HECTD4: variants seen among roughly 807,000 people sequenced by gnomAD.
HECTD4 encodes the protein probable E3 ubiquitin-protein ligase HECTD4.
HECTD4 carries 114 observed loss-of-function variants against 471.5 expected under a neutral mutation model. That is an observed-to-expected ratio of 0.24 (90% CI 0.21 to 0.28). The LOEUF (loss-of-function observed/expected upper bound fraction) is 0.28, where lower values mean the gene tolerates loss of function less well. HECTD4 is among the 10% of genes least tolerant of loss of function. HECTD4 has a pLI of 1.00. For missense variants in HECTD4, 3,866 were observed against 5,651.5 expected (o/e 0.68, Z 10.13); for synonymous variants, 2,012 against 2,256.0 (o/e 0.89, Z 3.07).
intron 66 of HECTD4, among the ~76,000 whole-genome samples, chr12:112,175,111 T>C (rs973784083): frequency 2.0e-5 from 3 of 152,316 alleles, no homozygotes; most frequent in Middle Eastern, 6.8e-3. Flanking sequence ...ACTCTGAGGA[T>C]AAGGTTCTTT....
chr12:112,382,331 G>A lies in HECTD4; in HGVS notation c.-203C>T. The A allele has an allele frequency of 6.1e-6, 2 of 328,520 alleles. No homozygotes were observed. The highest frequency in any genetic ancestry group is 9.8e-6 in the Non-Finnish European group (2 of 205,102). The allele number at this position is 328,520 out of a possible 1,614,324, so 20.4% of individuals were successfully genotyped here. The stretch of plus-strand genomic sequence containing the variant: ...CGGCCCGGGAGACCCCGGCCCTGCC[G>A]CCGCCGCCGCCGCCGCCGCCGCCGC... On this transcript the variant is annotated 5_prime_UTR_variant, in exon 1 of 76. Coordinates refer to ENST00000682272, the MANE Select transcript of HECTD4 (RefSeq NM_001388303.1).
At chr12:112,246,477 T>C (rs369826317) in intron 29 of HECTD4, among the ~76,000 whole-genome samples, 6 of 152,012 alleles carry the variant, frequency 3.9e-5, no homozygotes, top group Admixed American at 1.3e-4. Context: ...CTACCAAAAA[T>C]ACAAAAATTA....
intron 1 of HECTD4, among the ~76,000 whole-genome samples, chr12:112,325,858 C>T (rs1306659085): frequency 3.3e-5 from 5 of 150,696 alleles, no homozygotes; most frequent in African/African-American, 1.2e-4. Flanking sequence ...AGCAGCCTTG[C>T]TCTGTCACCC....
In HECTD4 at chr12:112,283,138, G is replaced by C. The variant is rs1319086863; in HGVS notation, c.1500C>G (p.Ile500Met). ...ATLAALTGST[I>M]SNTLKEDQAA... is the part of the protein sequence containing the mutation. ...CTTGATCCTCTTTCAGTGTGTTGGA[G>C]ATGGTGGAACCAGTCAGGGCAGCAA... The change falls in exon 8 of 76, where the codon ATC becomes ATG. Residue 500 changes from isoleucine to methionine, a missense_variant. By Grantham distance (10) the Ile-to-Met change is conservative. This residue lies in a region of HECTD4 where 440 missense variants were observed against 636.0 expected (regional missense o/e 0.69). Coordinates refer to ENST00000682272, the MANE Select transcript of HECTD4 (RefSeq NM_001388303.1). 3.1e-6 allele frequency: 5 copies of C among 1,613,588 alleles called. No homozygotes were observed. Among genetic ancestry groups the C allele is most frequent in the Non-Finnish European group, 4.2e-6 (5 of 1,179,700 alleles).
intron 22 of HECTD4, among the ~76,000 whole-genome samples, chr12:112,253,629 G>A (rs182035394): frequency 2.6e-5 from 4 of 152,322 alleles, no homozygotes; most frequent in Non-Finnish European, 5.9e-5. Context: ...TCATCAGTTT[G>A]AGAATGGATA....
At position 112,204,480 on chromosome 12, in the gene HECTD4, C is replaced by G; in HGVS notation, c.8269+6G>C. 6.2e-7 allele frequency: 1 copy of G among 1,610,688 alleles called. No homozygotes were observed. Among genetic ancestry groups the G allele is most frequent in the East Asian group, 2.2e-5 (1 of 44,852 alleles). On this transcript the variant is annotated splice_donor_region_variant and intron_variant, in intron 53 of 75. Coordinates refer to ENST00000682272, the MANE Select transcript of HECTD4 (RefSeq NM_001388303.1). ...TTCATAGGTCGAGTAAGGAGGAAAG[C>G]AAAACCTTTTCGAACTTTATCAATT...
rs117979423 is a variant in HECTD4 at position 112,345,250 on chromosome 12, A to C, written c.178-25508T>G. On this transcript the variant is annotated intron_variant, in intron 1 of 75. Transcript: ENST00000682272. ...AACCTGGGTGACAGAGCAAGACCCT[A>C]TCCCCTACCAAAAAAAGAAAAAAAA... Among the ~76,000 whole-genome samples, 269 of 151,874 alleles carry C rather than the reference A, an allele frequency of 1.8e-3. 8 individuals are homozygous for C. In the East Asian group the frequency reaches 0.04, roughly 22 times the overall value.
In HECTD4 at chr12:112,185,002, C is replaced by T. The variant is rs947037000; in HGVS notation, c.9964G>A (p.Ala3322Thr). The T allele has an allele frequency of 1.9e-6, 3 of 1,609,778 alleles. No individual in the cohort carries two copies. Among genetic ancestry groups the T allele is most frequent in the African/African-American group, 2.7e-5 (2 of 75,004 alleles). Reference sequence around the variant, plus strand: ...GACTGGCGCTTGCCCGACGAGGAGGCCTTTTCCCGCTTCATCTTGACTTTT... The same window carrying T: ...GACTGGCGCTTGCCCGACGAGGAGGTCTTTTCCCGCTTCATCTTGACTTTT... ...RKKVKMKREK[A>T]SSSGKRQSSR... Residue 3322 changes from alanine to threonine, a missense_variant, in exon 61 of 76, where the codon GCC (alanine) becomes ACC (threonine). Ala to Thr is a moderately conservative substitution (Grantham distance 58, BLOSUM62 0). This residue lies in a region of HECTD4 where 57 missense variants were observed against 49.8 expected (regional missense o/e 1.14). Transcript: ENST00000682272.
chr12:112,183,671 T>G (rs1344207159), intron 61 of HECTD4, among the ~76,000 whole-genome samples: 1 of 152,210 alleles, frequency 6.6e-6, no homozygotes, highest in Non-Finnish European at 1.5e-5. Context: ...GTCAGTTCCC[T>G]ACCTTACTGT....
chr12:112,290,864 A>AC (rs2034867847), intron 7 of HECTD4, among the ~76,000 whole-genome samples: 2 of 139,258 alleles, frequency 1.4e-5, no homozygotes, highest in Non-Finnish European at 3.1e-5. Flanking sequence ...AAAACAAAAC[A>AC]AAAAAAAAAA....
At chr12:112,273,615 G>A (rs2034463265) in intron 11 of HECTD4, 40 bp downstream of exon 11, 2 of 1,594,160 alleles carry the variant, frequency 1.3e-6, no homozygotes, top group South Asian at 1.1e-5. Context: ...TCATATTTCA[G>A]AGGAAAATCT....
rs1482374065 is a variant in HECTD4 at position 112,169,623 on chromosome 12, G to C, written c.12088C>G (p.Gln4030Glu). 2 of 1,613,510 alleles carry C rather than the reference G, an allele frequency of 1.2e-6. No individual in the cohort carries two copies. The highest frequency in any genetic ancestry group is 1.7e-6 in the Non-Finnish European group (2 of 1,179,890). The change falls in exon 70 of 76, where the codon CAG (glutamine) becomes GAG (glutamate). Residue 4030 changes from glutamine to glutamate, a missense_variant. Gln to Glu is a conservative substitution (Grantham distance 29, BLOSUM62 2). Transcript: ENST00000682272. The part of the protein sequence containing the change: ...IRASENSYFC[Q>E]AARQLASVPS... ...ACTGAGGCCAGCTGCCTGGCAGCCT[G>C]ACAGAAGTAGGAGTTTTCAGAAGCT...
chr12:112,294,117 GTCT>G (rs925597861), intron 7 of HECTD4, among the ~76,000 whole-genome samples: 2 of 151,894 alleles, frequency 1.3e-5, no homozygotes, highest in South Asian at 2.1e-4. Flanking sequence ...GCTCAGACTG[GTCT>G]TCTTTTTTCT....
At chr12:112,373,194 C>G (rs2036716528) in intron 1 of HECTD4, among the ~76,000 whole-genome samples, 1 of 152,136 alleles carries the variant, frequency 6.6e-6, no homozygotes, top group Non-Finnish European at 1.5e-5. Context: ...ACTATCTTAC[C>G]TTTGTCAAGT....
At chr12:112,315,629 G>A (rs1289859534) in intron 2 of HECTD4, among the ~76,000 whole-genome samples, 1 of 152,068 alleles carries the variant, frequency 6.6e-6, no homozygotes, top group Non-Finnish European at 1.5e-5. Context: ...GGAACAGTGA[G>A]GTTTAAAATA....
chr12:112,368,365 AG>A (rs1266228298), intron 1 of HECTD4, among the ~76,000 whole-genome samples: 1 of 152,244 alleles, frequency 6.6e-6, no homozygotes, highest in East Asian at 1.9e-4. Flanking sequence ...AAGTAGTAAC[AG>A]TAATAAGTCA....
chr12:112,177,348 C>T (rs1276937874), intron 64 of HECTD4, among the ~76,000 whole-genome samples: 1 of 151,188 alleles, frequency 6.6e-6, no homozygotes, highest in Non-Finnish European at 1.5e-5. Context: ...AATTTATATG[C>T]ATATCCATAC....
Position 112,216,274 on chromosome 12 carries a change from A to C in HECTD4, c.7465+18T>G, listed in dbSNP as rs1194334468. ...CCAACAGAATCACACAGGGTGGAAAAGCTCCCACTGCACTCACCGGGGGAG... is the reference window on the plus strand; with the variant it reads ...CCAACAGAATCACACAGGGTGGAAACGCTCCCACTGCACTCACCGGGGGAG... On this transcript the variant is annotated intron_variant, in intron 48 of 75. Transcript: ENST00000682272. 1 of 1,510,448 alleles carries C rather than the reference A, an allele frequency of 6.6e-7. No homozygotes were observed. Among genetic ancestry groups the C allele is most frequent in the South Asian group, 1.2e-5 (1 of 83,250 alleles). The allele number at this position is 1,510,448 out of a possible 1,614,324, so 93.6% of individuals were successfully genotyped here.
At chr12:112,182,268 C>A (rs954971256) in intron 62 of HECTD4, among the ~76,000 whole-genome samples, 1 of 151,050 alleles carries the variant, frequency 6.6e-6, no homozygotes, top group Non-Finnish European at 1.5e-5. Flanking sequence ...GAGTTTGAGA[C>A]CAGCCCGGGC....
Sources: allele counts gnomAD v4.1 joint callset (sites outside exome capture counted in the v4.1 genomes callset), GRCh38; gene constraint gnomAD v4.1.1; regional missense constraint gnomAD v4.1.1; transcripts MANE v1.5; gene names NCBI Gene and HGNC (gene_info 2026-07-23, HGNC 2026-07-21).